STK33: variants seen among roughly 807,000 people sequenced by gnomAD.
STK33 encodes the protein serine/threonine-protein kinase 33.
A neutral mutation model predicts 58.0 loss-of-function variants in STK33; 52 were observed. The ratio of observed to expected loss-of-function variants is 0.90; its 90% CI spans 0.72 to 1.13. The LOEUF (loss-of-function observed/expected upper bound fraction) is 1.13. STK33 is among the 50% of genes most tolerant of loss of function. The probability of loss-of-function intolerance (pLI) is 0.00; values close to 1 mark genes in which losing one functional copy is unlikely to be tolerated. For synonymous variants in STK33, 215 were observed against 200.1 expected (o/e 1.07, Z -0.63); for missense variants, 630 against 604.2 (o/e 1.04, Z -0.45).
At chr11:8,438,585 A>C (rs1473993199) in intron 12 of STK33, among the ~76,000 whole-genome samples, 1 of 152,188 alleles carries the variant, frequency 6.6e-6, no homozygotes, top group Non-Finnish European at 1.5e-5. Context: ...AGAAGACAAC[A>C]TTATTATGGT....
chr11:8,563,932 T>C (rs2140985340), intron 1 of STK33, among the ~76,000 whole-genome samples: 1 of 151,630 alleles, frequency 6.6e-6, no homozygotes, highest in African/African-American at 2.4e-5. Context: ...GGCTGAACTG[T>C]GGGGAAAAAA....
At chr11:8,503,288 T>C (rs937258429) in intron 1 of STK33, among the ~76,000 whole-genome samples, 1 of 152,090 alleles carries the variant, frequency 6.6e-6, no homozygotes, top group Non-Finnish European at 1.5e-5. Flanking sequence ...TACACAGCCA[T>C]AAAAAAGAAT....
chr11:8,366,485 G>T, the STK33 span, among the ~76,000 whole-genome samples: 1 of 152,192 alleles, frequency 6.6e-6, no homozygotes, highest in East Asian at 1.9e-4. Flanking sequence ...CGGGGTCGGG[G>T]GAGGCTCACA....
chr11:8,516,701 G>A (rs1044110225), intron 1 of STK33, among the ~76,000 whole-genome samples: 14 of 152,210 alleles, frequency 9.2e-5, no homozygotes, highest in Non-Finnish European at 1.5e-4. Flanking sequence ...TGCCTGGCTT[G>A]GCGGGTCTCA....
chr11:8,336,064 G>GA, the STK33 span, among the ~76,000 whole-genome samples: 1 of 152,212 alleles, frequency 6.6e-6, no homozygotes, highest in African/African-American at 2.4e-5. Flanking sequence ...CTGCTGTCCT[G>GA]CTGGAGCCTG....
chr11:8,379,001 C>T, the STK33 span, among the ~76,000 whole-genome samples: 4 of 152,122 alleles, frequency 2.6e-5, no homozygotes, highest in Non-Finnish European at 5.9e-5. Context: ...ATACTTAAAA[C>T]CAACTGGTCT....
chr11:8,546,839 G>A (rs576146828), intron 1 of STK33, among the ~76,000 whole-genome samples: 9 of 152,268 alleles, frequency 5.9e-5, no homozygotes, highest in African/African-American at 2.2e-4. Context: ...ATCCACTGAT[G>A]GGCACTTAGG....
chr11:8,342,518 T>A, the STK33 span, among the ~76,000 whole-genome samples: 1 of 152,272 alleles, frequency 6.6e-6, no homozygotes, highest in East Asian at 1.9e-4. Context: ...GTTCATTGAC[T>A]TCTCAATGCT....
chr11:8,451,662 A>C (rs1349692693), intron 11 of STK33, among the ~76,000 whole-genome samples: 1 of 152,190 alleles, frequency 6.6e-6, no homozygotes, highest in Non-Finnish European at 1.5e-5. Context: ...ATTTGTTTTG[A>C]AACTGGATTG....
At chr11:8,539,479 G>C (rs1026778022) in intron 1 of STK33, among the ~76,000 whole-genome samples, 1 of 152,088 alleles carries the variant, frequency 6.6e-6, no homozygotes, top group Non-Finnish European at 1.5e-5. Context: ...TTGACCTAGC[G>C]ACACCACCAA....
intron 1 of STK33, among the ~76,000 whole-genome samples, chr11:8,511,777 C>T (rs576282397): frequency 6.6e-6 from 1 of 152,220 alleles, no homozygotes; most frequent in East Asian, 1.9e-4. Flanking sequence ...TGATATATCA[C>T]ATTTACTGAC....
chr11:8,389,779 C>A (rs1190242428), downstream of STK33, among the ~76,000 whole-genome samples: 4 of 151,938 alleles, frequency 2.6e-5, no homozygotes, highest in African/African-American at 9.7e-5. Context: ...TTTTGGCTGG[C>A]CCCCACCCAA....
the STK33 span, among the ~76,000 whole-genome samples, chr11:8,339,864 C>G: frequency 3.3e-5 from 5 of 152,236 alleles, no homozygotes; most frequent in Non-Finnish European, 4.4e-5. Flanking sequence ...CCACGCCTCA[C>G]CACGCCCCTC....
At chr11:8,531,446 T>C (rs772120211) in intron 1 of STK33, among the ~76,000 whole-genome samples, 2 of 152,236 alleles carry the variant, frequency 1.3e-5, no homozygotes, top group Admixed American at 6.5e-5. Flanking sequence ...AGGCTGGGTT[T>C]GTCATGTGAT....
intron 1 of STK33, among the ~76,000 whole-genome samples, chr11:8,532,755 G>GC (rs1239564292): frequency 6.6e-6 from 1 of 152,190 alleles, no homozygotes; most frequent in Non-Finnish European, 1.5e-5. Flanking sequence ...GTAACTTGCA[G>GC]CATGCATGCT....
chr11:8,413,118 G>A (rs1458301942), intron 15 of STK33, among the ~76,000 whole-genome samples: 3 of 152,080 alleles, frequency 2.0e-5, no homozygotes, highest in Non-Finnish European at 4.4e-5. Context: ...TCTGTTTTGG[G>A]GGAAAAAATA....
chr11:8,408,220 A>G (rs149018355), intron 15 of STK33, among the ~76,000 whole-genome samples: 3 of 152,220 alleles, frequency 2.0e-5, no homozygotes, highest in African/African-American at 7.2e-5. Flanking sequence ...AAATGGACCC[A>G]AATTAATACA....
At chr11:8,527,468 G>A (rs1480136296) in intron 1 of STK33, among the ~76,000 whole-genome samples, 1 of 152,002 alleles carries the variant, frequency 6.6e-6, no homozygotes, top group African/African-American at 2.4e-5. Context: ...TTCACAAGAA[G>A]TGAGTTTTTG....
At chr11:8,507,388 G>A (rs1951941451) in intron 1 of STK33, among the ~76,000 whole-genome samples, 1 of 152,140 alleles carries the variant, frequency 6.6e-6, no homozygotes, top group South Asian at 2.1e-4. Flanking sequence ...CCTTCTAGAG[G>A]CTTATGATGA....
Sources: allele counts gnomAD v4.1 joint callset (sites outside exome capture counted in the v4.1 genomes callset), GRCh38; gene constraint gnomAD v4.1.1; transcripts MANE v1.5; gene names NCBI Gene and HGNC (gene_info 2026-07-23, HGNC 2026-07-21).